Variants in C1QBP observed in about 807,000 individuals in gnomAD.
C1QBP encodes the protein complement component 1 Q subcomponent-binding protein, mitochondrial.
Under a neutral mutation model 29.4 loss-of-function variants are expected in C1QBP, and 24 were observed. The ratio of observed to expected loss-of-function variants is 0.82; its 90% confidence interval spans 0.59 to 1.15. The LOEUF (loss-of-function observed/expected upper bound fraction) is 1.15. Among genes scored for constraint, C1QBP ranks in the 50% most tolerant of loss-of-function variants. The probability of loss-of-function intolerance (pLI) is 0.00; values close to 1 mark genes in which losing one functional copy is unlikely to be tolerated. For synonymous variants in C1QBP, 182 were observed against 149.2 expected (o/e 1.22, Z -1.60); for missense variants, 337 against 355.8 (o/e 0.95, Z 0.43).
At position 5,439,046 on chromosome 17, in the gene C1QBP, G is replaced by T; in HGVS notation, c.28C>A (p.Arg10Ser). 1 of 1,527,360 alleles carries T rather than the reference G, an allele frequency of 6.5e-7. No individual in the cohort carries two copies. The highest frequency in any genetic ancestry group is 8.8e-7 in the Non-Finnish European group (1 of 1,137,896). 94.6% of individuals were successfully genotyped at this position (1,527,360 alleles called of 1,614,324 possible). Residue 10 changes from arginine (R) to serine (S), a missense_variant, in exon 1 of 6, where the codon CGT becomes AGT. Coordinates refer to ENST00000225698, the MANE Select transcript of C1QBP (RefSeq NM_001212.4). MLPLLRCVP[R>S]VLGSSVAGLR... ...CCGGCGACGGAGGAGCCCAGCACAC[G>T]GGGCACGCAGCGCAGCAGAGGCAGC...
At chr17:5,436,785 C>T (rs1007070255) in intron 2 of C1QBP, among the ~76,000 whole-genome samples, 1 of 152,096 alleles carries the variant, frequency 6.6e-6, no homozygotes, top group East Asian at 1.9e-4. Context: ...TTTGGGAGGC[C>T]AAGGCGGGCG....
chr17:5,432,823 C>T lies in C1QBP; in HGVS notation c.*192G>A, dbSNP rs1355849821. ...TATGTCTATCATGTTATACAAAAAT[C>T]TAGAAATAATAGATTTGTACAGAAA... On this transcript the variant is annotated 3_prime_UTR_variant, in exon 6 of 6. Coordinates refer to ENST00000225698, the MANE Select transcript of C1QBP (RefSeq NM_001212.4). 6 of 884,808 alleles carry T rather than the reference C, an allele frequency of 6.8e-6. No homozygotes were observed. Among genetic ancestry groups the T allele is most frequent in the Non-Finnish European group, 9.7e-6 (6 of 615,644 alleles). 54.8% of individuals were successfully genotyped at this position (884,808 alleles called of 1,614,324 possible).
At position 5,433,197 on chromosome 17, in the gene C1QBP, A is replaced by C. The variant is rs1296733442; in HGVS notation, c.700-33T>G. The stretch of plus-strand genomic sequence containing the variant: ...GAACAATATTTACTAGTTAAAAAAA[A>C]ATCTGTAATGAACATTAAAATGCTT... On this transcript the variant is annotated intron_variant, in intron 5 of 5. Transcript: ENST00000225698. 7 of 1,607,260 alleles carry C rather than the reference A, an allele frequency of 4.4e-6. No individual in the cohort carries two copies. The African/African-American group carries it at 9.4e-5, about 22-fold the overall frequency.
Position 5,438,997 on chromosome 17 carries a change from G to A in C1QBP, c.77C>T (p.Ser26Leu), listed in dbSNP as rs1404483909. Reference protein sequence around the residue: ...VAGLRAAAPASPFRQLLQPAP... With the variant: ...VAGLRAAAPALPFRQLLQPAP... ...CGGCTGCAGGAGCTGCCGGAAAGGC[G>A]AGGCGGGCGCGGCAGCGCGGAGGCC... The change falls in exon 1 of 6, where the codon TCG becomes TTG. Residue 26 changes from serine (S) to leucine (L), a missense_variant. Ser to Leu is a moderately radical substitution (Grantham distance 145, BLOSUM62 -2). Coordinates refer to ENST00000225698, the MANE Select transcript of C1QBP (RefSeq NM_001212.4). The A allele has an allele frequency of 1.4e-6, 2 of 1,480,818 alleles. No individual in the cohort carries two copies. Among genetic ancestry groups the A allele is most frequent in the Non-Finnish European group, 8.9e-7 (1 of 1,117,922 alleles). The allele number at this position is 1,480,818 out of a possible 1,614,324, so 91.7% of individuals were successfully genotyped here.
At chr17:5,435,285 A>G (rs2151676874) in intron 2 of C1QBP, among the ~76,000 whole-genome samples, 1 of 152,346 alleles carries the variant, frequency 6.6e-6, no homozygotes, top group East Asian at 1.9e-4. Flanking sequence ...GCTCACTGCC[A>G]TGTGCTGACT....
rs551245157 is a variant in C1QBP, at chr17:5,435,845, C to T, written c.384-879G>A. Among the ~76,000 whole-genome samples, 108 of 131,690 alleles carry T rather than the reference C, an allele frequency of 8.2e-4. 1 individual carries two copies. The highest frequency in any genetic ancestry group is 3.1e-3 in the African/African-American group (98 of 32,068). 86.4% of individuals were successfully genotyped at this position (131,690 alleles called of 152,430 possible). On this transcript the variant is annotated intron_variant, in intron 2 of 5. Coordinates refer to ENST00000225698, the MANE Select transcript of C1QBP (RefSeq NM_001212.4). ...GAGATCGAGACCATCCTGGCCAACA[C>T]GATGAAACTCCATCTCTACTAAAAA... is the stretch of plus-strand genomic sequence containing the variant.
At chr17:5,438,354 G>A in intron 1 of C1QBP, 81 bp from the exon 2 acceptor site, 1 of 1,497,924 alleles carries the variant, frequency 6.7e-7, no homozygotes, top group South Asian at 1.3e-5. Context: ...ATTGCAGCCA[G>A]AAACCTGGAC....
In C1QBP at chr17:5,439,014, G is replaced by A; in HGVS notation, c.60C>T (p.Arg20=). ...RVLGSSVAGL[R]AAAPASPFRQ... is the part of the protein sequence containing the mutation. ...GGAAAGGCGAGGCGGGCGCGGCAGC[G>A]CGGAGGCCGGCGACGGAGGAGCCCA... is the stretch of plus-strand genomic sequence containing the variant. The change falls in exon 1 of 6, where the codon CGC becomes CGT. Residue 20 remains arginine, a synonymous_variant. Coordinates refer to ENST00000225698, the MANE Select transcript of C1QBP (RefSeq NM_001212.4). The A allele has an allele frequency of 3.3e-6, 5 of 1,496,428 alleles. No individual in the cohort carries two copies. The highest frequency in any genetic ancestry group is 1.3e-5 in the South Asian group (1 of 77,732). 92.7% of individuals were successfully genotyped at this position (1,496,428 alleles called of 1,614,324 possible). A position where few individuals can be genotyped will look rare whatever the true frequency, so the allele number is the denominator to read the frequency against.
Position 5,438,972 on chromosome 17 carries a change from C to A in C1QBP, c.102G>T (p.Pro34=). ...AGGGCCGGGTGCACAGCCGGGGTGC[C>A]GGCTGCAGGAGCTGCCGGAAAGGCG... The part of the protein sequence containing the change: ...PASPFRQLLQ[P]APRLCTRPFG... Residue 34 remains proline, a synonymous_variant, in exon 1 of 6, where the codon CCG becomes CCT. Transcript: ENST00000225698. The A allele has an allele frequency of 1.3e-6, 2 of 1,501,094 alleles. No individual in the cohort carries two copies. Among genetic ancestry groups the A allele is most frequent in the Non-Finnish European group, 1.8e-6 (2 of 1,127,760 alleles). The allele number at this position is 1,501,094 out of a possible 1,614,324, so 93.0% of individuals were successfully genotyped here.
chr17:5,432,853 T>A lies in C1QBP; in HGVS notation c.*162A>T, dbSNP rs1916121088. ...AATAATAGATTTGTACAGAAAAAAA[T>A]GATAATAAATGAGAACACAAAACAT... On this transcript the variant is annotated 3_prime_UTR_variant, in exon 6 of 6. Coordinates refer to ENST00000225698, the MANE Select transcript of C1QBP (RefSeq NM_001212.4). 2 of 952,872 alleles carry A rather than the reference T, an allele frequency of 2.1e-6. No individual in the cohort carries two copies. The highest frequency in any genetic ancestry group is 2.1e-5 in the South Asian group (1 of 48,432). 59.0% of individuals were successfully genotyped at this position (952,872 alleles called of 1,614,324 possible). A position where few individuals can be genotyped will look rare whatever the true frequency, so the allele number is the denominator to read the frequency against.
chr17:5,438,141 C>G lies in C1QBP; in HGVS notation c.365G>C (p.Arg122Pro), dbSNP rs1359200279. 1 of 1,612,262 alleles carries G rather than the reference C, an allele frequency of 6.2e-7. No individual in the cohort carries two copies. The highest frequency in any genetic ancestry group is 8.5e-7 in the Non-Finnish European group (1 of 1,179,972). ...ELNGTEAKLV[R>P]KVAGEKITVT... is the part of the protein sequence containing the mutation. ...TACTTACTTTTCCCCGGCAACTTTC[C>G]GCACTAATTTCGCTTCTGTCCCATT... Residue 122 changes from arginine to proline, a missense_variant, in exon 2 of 6, where the codon CGG becomes CCG. Physicochemically the swap from Arg to Pro is moderately radical, Grantham distance 103 (BLOSUM62 -2). Coordinates refer to ENST00000225698, the MANE Select transcript of C1QBP (RefSeq NM_001212.4).
rs535657744 is a variant in C1QBP, at chr17:5,434,900, C to A, written c.450G>T (p.Ser150=). The A allele has an allele frequency of 1.2e-6, 2 of 1,613,802 alleles. No homozygotes were observed. Among genetic ancestry groups the A allele is most frequent in the African/African-American group, 2.7e-5 (2 of 74,896 alleles). The change falls in exon 3 of 6, where the codon TCG becomes TCT. Residue 150 remains serine, a synonymous_variant. Transcript: ENST00000225698. ...CCTGTTCTTCAACCTTCTGCCCTTG[C>A]GAGGGTTCCTCCTCACCATCAAATG... ...PPTFDGEEEP[S]QGQKVEEQEP...
chr17:5,439,154 G>T lies in C1QBP; in HGVS notation c.-81C>A. 1 of 1,514,154 alleles carries T rather than the reference G, an allele frequency of 6.6e-7. No individual in the cohort carries two copies. Among genetic ancestry groups the T allele is most frequent in the South Asian group, 1.2e-5 (1 of 82,474 alleles). The allele number at this position is 1,514,154 out of a possible 1,614,324, so 93.8% of individuals were successfully genotyped here. A position where few individuals can be genotyped will look rare whatever the true frequency, so the allele number is the denominator to read the frequency against. On this transcript the variant is annotated 5_prime_UTR_variant, in exon 1 of 6. Transcript: ENST00000225698. ...CCCGCGACCTGAGGCGCCGCCGGAAGCCCCGCCCCTGCCCGGAAGCGCTTC... is the reference window on the plus strand; with the variant it reads ...CCCGCGACCTGAGGCGCCGCCGGAATCCCCGCCCCTGCCCGGAAGCGCTTC...
rs1412611502 is a variant in C1QBP at position 5,433,290 on chromosome 17, C to CA, written c.699+2dup. On this transcript the variant is annotated splice_region_variant and intron_variant, in intron 5 of 5. Coordinates refer to ENST00000225698, the MANE Select transcript of C1QBP (RefSeq NM_001212.4). ...AGGTTCCCCCACCTTATCAAGCACTCACCCAGTCCAAGGAATCTGTGTTGA... is the reference window on the plus strand; with the variant it reads ...AGGTTCCCCCACCTTATCAAGCACTCAACCCAGTCCAAGGAATCTGTGTTGA... 6.2e-7 allele frequency: 1 copy of CA among 1,614,038 alleles called. No individual in the cohort carries two copies. The highest frequency in any genetic ancestry group is 1.3e-5 in the African/African-American group (1 of 74,920).
intron 3 of C1QBP, 124 bp from the exon 4 acceptor site, chr17:5,433,891 CT>C: frequency 1.2e-6 from 1 of 829,348 alleles, no homozygotes; most frequent in African/African-American, 1.7e-5. Context: ...TTTGAATAGT[CT>C]TATGCCATAC....
intron 1 of C1QBP, 77 bp from the exon 2 acceptor site, chr17:5,438,350 G>C: frequency 6.6e-7 from 1 of 1,510,774 alleles, no homozygotes; most frequent in Non-Finnish European, 8.9e-7. Context: ...GGTTATTGCA[G>C]CCAGAAACCT....
intron 2 of C1QBP, among the ~76,000 whole-genome samples, 156 bp downstream of exon 2, chr17:5,437,967 G>A (rs1916319665): frequency 6.6e-6 from 1 of 152,102 alleles, no homozygotes; most frequent in Admixed American, 6.6e-5. Context: ...GGACTGCCTG[G>A]GGCTTACGAA....
Position 5,432,961 on chromosome 17 carries a change from T to C in C1QBP, c.*54A>G. 2.6e-6 allele frequency: 4 copies of C among 1,561,766 alleles called. No homozygotes were observed. Among genetic ancestry groups the C allele is most frequent in the Non-Finnish European group, 3.5e-6 (4 of 1,154,100 alleles). On this transcript the variant is annotated 3_prime_UTR_variant, in exon 6 of 6. Coordinates refer to ENST00000225698, the MANE Select transcript of C1QBP (RefSeq NM_001212.4). ...CACATGTCTAGCTTCAGAGTAGGAT[T>C]TGTTCACTGGCCAAAGCCTGCCATG...
At chr17:5,438,415 TC>T (rs1259410925) in intron 1 of C1QBP, 142 bp from the exon 2 acceptor site, 2 of 1,089,868 alleles carry the variant, frequency 1.8e-6, no homozygotes, top group Admixed American at 5.8e-5. Context: ...TGTTTCCTTA[TC>T]GGTAAAAATA....
Sources: allele counts gnomAD v4.1 joint callset (sites outside exome capture counted in the v4.1 genomes callset), GRCh38; gene constraint gnomAD v4.1.1; transcripts MANE v1.5; gene names NCBI Gene and HGNC (gene_info 2026-07-23, HGNC 2026-07-21).